Variants in CAP1 observed in about 807,000 individuals in gnomAD.
The protein encoded by CAP1 is cyclase associated actin cytoskeleton regulatory protein 1.
Under a neutral mutation model 58.2 loss-of-function variants are expected in CAP1, and 11 were observed. The ratio of observed to expected loss-of-function variants is 0.19; its 90% CI spans 0.12 to 0.31. CAP1 has a LOEUF of 0.31. Ranked by LOEUF, CAP1 falls within the 10% of genes least tolerant of loss-of-function variation. The pLI, the probability that CAP1 is intolerant of heterozygous loss-of-function variation, is 1.00. For synonymous variants in CAP1, 183 were observed against 213.8 expected (o/e 0.86, Z 1.26); for missense variants, 423 against 587.5 (o/e 0.72, Z 2.89).
At chr1:40,059,605 G>A (rs1269390777) in intron 2 of CAP1, 147 bp downstream of exon 2, 6 of 582,120 alleles carry the variant, frequency 1.0e-5, no homozygotes, top group Non-Finnish European at 1.9e-5. Flanking sequence ...ACAGATAAGA[G>A]AGGAAATGAC....
chr1:40,041,550 G>A (rs3131686), intron 1 of CAP1: 129,049 of 152,246 alleles, frequency 0.85, 54,703 homozygotes, highest in East Asian at 0.89. Flanking sequence ...CCTCAGTGCT[G>A]AGTGTCTGTG....
chr1:40,062,760 C>A (rs191301071), intron 4 of CAP1, among the ~76,000 whole-genome samples: 1,122 of 106,812 alleles, frequency 0.011, 17 homozygotes, highest in South Asian at 0.017. Flanking sequence ...GCAAGACCTT[C>A]TCTCAAAAAA....
intron 1 of CAP1, among the ~76,000 whole-genome samples, chr1:40,048,558 A>G (rs2124200839): frequency 6.6e-6 from 1 of 152,322 alleles, no homozygotes; most frequent in African/African-American, 2.4e-5. Context: ...GGGATAGTCA[A>G]GTAGAGATTT....
chr1:40,060,114 C>G lies in CAP1; in HGVS notation c.160C>G (p.Pro54Ala). The stretch of plus-strand genomic sequence containing the variant: ...GGCATTTGACTCGCTGCTTGCTGGT[C>G]CTGTGGCAGAGTACTTGAAGATCAG... ...VQAFDSLLAG[P>A]VAEYLKISKE... The change falls in exon 3 of 13, where the codon CCT becomes GCT. Residue 54 changes from proline to alanine, a missense_variant. Transcript: ENST00000372805. The G allele has an allele frequency of 6.2e-7, 1 of 1,613,718 alleles. No homozygotes were observed. Among genetic ancestry groups the G allele is most frequent in the South Asian group, 1.1e-5 (1 of 91,040 alleles).
In CAP1 at chr1:40,059,422, G is replaced by A; in HGVS notation, c.76G>A (p.Asp26Asn). ...GRLEAVSHTS[D>N]MHRGYADSPS... ...CCTGGAGGCAGTATCTCATACCTCT[G>A]ACATGCACCGTGGGTATGCAGACAG... Residue 26 changes from aspartate (D) to asparagine (N), a missense_variant, in exon 2 of 13, where the codon GAC becomes AAC. By Grantham distance (23) the Asp-to-Asn change is conservative (BLOSUM62 1). Transcript: ENST00000372805. 6.2e-7 allele frequency: 1 copy of A among 1,612,918 alleles called. No individual in the cohort carries two copies. Among genetic ancestry groups the A allele is most frequent in the South Asian group, 1.1e-5 (1 of 91,052 alleles).
chr1:40,054,633 A>G (rs938685663), intron 1 of CAP1, among the ~76,000 whole-genome samples: 6 of 151,782 alleles, frequency 4.0e-5, no homozygotes, highest in African/African-American at 1.5e-4. Context: ...TAAATAAATT[A>G]TTTTATTTTT....
At chr1:40,050,296 A>G (rs149480594) in intron 1 of CAP1, among the ~76,000 whole-genome samples, 12 of 151,818 alleles carry the variant, frequency 7.9e-5, no homozygotes, top group African/African-American at 2.7e-4. Flanking sequence ...CACTTAATTC[A>G]GGTGCTGGTC....
intron 6 of CAP1, 28 bp downstream of exon 6, chr1:40,064,587 TC>T: frequency 6.4e-7 from 1 of 1,562,150 alleles, no homozygotes; most frequent in South Asian, 1.1e-5. Context: ...TCTCTTTTTT[TC>T]TTTTCTGAGA....
At chr1:40,057,313 G>C (rs574599875) in intron 1 of CAP1, 2 of 152,164 alleles carry the variant, frequency 1.3e-5, no homozygotes, top group Non-Finnish European at 2.9e-5. Context: ...GTGGTGGATT[G>C]TATATATATG....
chr1:40,062,053 G>A (rs1432652548), intron 4 of CAP1, among the ~76,000 whole-genome samples: 1 of 152,006 alleles, frequency 6.6e-6, no homozygotes, highest in Non-Finnish European at 1.5e-5. Flanking sequence ...GTTATCCCTG[G>A]GACTTTGCTT....
In CAP1 at chr1:40,064,287, C is replaced by T. The variant is rs768940914; in HGVS notation, c.355C>T (p.Arg119Trp). 13 of 1,614,002 alleles carry T rather than the reference C, an allele frequency of 8.1e-6. No homozygotes were observed. Among genetic ancestry groups the T allele is most frequent in the South Asian group, 3.3e-5 (3 of 91,088 alleles). Residue 119 changes from arginine to tryptophan, a missense_variant, in exon 5 of 13, where the codon CGG becomes TGG. Coordinates refer to ENST00000372805, the MANE Select transcript of CAP1 (RefSeq NM_006367.4). ...SEQIKEVITFREKNRGSKLFN... is the reference protein window; with the variant it reads ...SEQIKEVITFWEKNRGSKLFN... The stretch of plus-strand genomic sequence containing the variant: ...GCAGATCAAAGAAGTGATAACCTTT[C>T]GGGAGAAGAACCGAGGCAGCAAGTT...
At position 40,066,167 on chromosome 1, in the gene CAP1, G is replaced by A. The variant is rs1462092519; in HGVS notation, c.525-48G>A. On this transcript the variant is annotated intron_variant, in intron 6 of 12. Coordinates refer to ENST00000372805, the MANE Select transcript of CAP1 (RefSeq NM_006367.4). ...AAAGAAGGGTTCTGGAGTCACCACTGTTATGTACCCGGATCACCTGTGACA... is the reference window on the plus strand; with the variant it reads ...AAAGAAGGGTTCTGGAGTCACCACTATTATGTACCCGGATCACCTGTGACA... 3.8e-6 allele frequency: 4 copies of A among 1,054,216 alleles called. No homozygotes were observed. In the South Asian group the frequency reaches 5.0e-5, roughly 13 times the overall value. The allele number at this position is 1,054,216 out of a possible 1,614,324, so 65.3% of individuals were successfully genotyped here.
intron 8 of CAP1, chr1:40,069,469 C>G (rs780701171): frequency 2.0e-6 from 1 of 496,326 alleles, no homozygotes; most frequent in Non-Finnish European, 3.6e-6. Context: ...TATCCTCACC[C>G]ACAATATACA....
intron 1 of CAP1, among the ~76,000 whole-genome samples, chr1:40,048,355 G>A (rs1274718032): frequency 1.6e-5 from 2 of 125,612 alleles, no homozygotes. Flanking sequence ...ACAGGCATGA[G>A]CCATTGCACC....
intron 1 of CAP1, among the ~76,000 whole-genome samples, chr1:40,054,117 C>T (rs979144466): frequency 5.3e-5 from 7 of 131,426 alleles, no homozygotes; most frequent in African/African-American, 1.5e-4. Context: ...GATAGCCACA[C>T]TGTGTTGAGG....
chr1:40,059,542 C>A, intron 2 of CAP1, 84 bp downstream of exon 2: 3 of 756,308 alleles, frequency 4.0e-6, no homozygotes, highest in South Asian at 1.6e-5. Flanking sequence ...TTGGCGCTAA[C>A]TTCCCAAAAC....
rs1648149888 is a variant in CAP1 at position 40,072,090 on chromosome 1, T to G, written c.*557T>G. ...TTGTTTCCTATAAGCATTCCTTTTA[T>G]TCTCTATTCTATCCTGGGTCTGCCT... is the stretch of plus-strand genomic sequence containing the variant. On this transcript the variant is annotated 3_prime_UTR_variant, in exon 13 of 13. Transcript: ENST00000372805. 2.5e-6 allele frequency: 1 copy of G among 402,244 alleles called. No individual in the cohort carries two copies. The highest frequency in any genetic ancestry group is 1.2e-4 in the South Asian group (1 of 8,216). 24.9% of individuals were successfully genotyped at this position (402,244 alleles called of 1,614,324 possible). A position where few individuals can be genotyped will look rare whatever the true frequency, so the allele number is the denominator to read the frequency against.
chr1:40,055,741 T>A (rs6661103), intron 1 of CAP1, among the ~76,000 whole-genome samples: 17,513 of 152,162 alleles, frequency 0.12, 1,174 homozygotes, highest in South Asian at 0.2. Flanking sequence ...ACTCCTGACC[T>A]CAAGCAACCC....
chr1:40,049,588 C>T (rs1049191200), intron 1 of CAP1, among the ~76,000 whole-genome samples: 2 of 152,060 alleles, frequency 1.3e-5, no homozygotes, highest in Non-Finnish European at 2.9e-5. Context: ...GCATGATATC[C>T]CTCCAAAAGC....
Sources: allele counts gnomAD v4.1 joint callset (sites outside exome capture counted in the v4.1 genomes callset), GRCh38; gene constraint gnomAD v4.1.1; transcripts MANE v1.5; gene names NCBI Gene and HGNC (gene_info 2026-07-23, HGNC 2026-07-21).